Variants in TENM3 observed in about 807,000 individuals in gnomAD.
The protein encoded by TENM3 is teneurin transmembrane protein 3, also known as teneurin-3.
A neutral mutation model predicts 255.1 loss-of-function variants in TENM3; 63 were observed. That is an observed-to-expected ratio of 0.25 (90% CI 0.20 to 0.30). The LOEUF (loss-of-function observed/expected upper bound fraction) is 0.30, where lower values mean the gene tolerates loss of function less well. TENM3 is among the 10% of genes least tolerant of loss of function. The pLI is 1.00. For missense variants in TENM3, 2,929 were observed against 3,461.1 expected (o/e 0.85, Z 3.86); for synonymous variants, 1,306 against 1,322.3 (o/e 0.99, Z 0.27).
At chr4:182,117,719 G>T in the TENM3 span, among the ~76,000 whole-genome samples, 1 of 152,150 alleles carries the variant, frequency 6.6e-6, no homozygotes, top group Admixed American at 6.6e-5. Context: ...AAGTCTTGAA[G>T]TTGAATAGCA....
chr4:182,375,953 C>A (rs1373217141), intron 3 of TENM3, among the ~76,000 whole-genome samples: 1 of 152,130 alleles, frequency 6.6e-6, no homozygotes. Context: ...CATTTGTGCA[C>A]CCCTTATGAT....
At chr4:182,010,644 C>T in the TENM3 span, among the ~76,000 whole-genome samples, 1 of 151,948 alleles carries the variant, frequency 6.6e-6, no homozygotes, top group Non-Finnish European at 1.5e-5. Flanking sequence ...TTTTCTGATA[C>T]CTTTAGTGGA....
chr4:181,829,736 C>T, the TENM3 span, among the ~76,000 whole-genome samples: 1 of 152,176 alleles, frequency 6.6e-6, no homozygotes, highest in Non-Finnish European at 1.5e-5. Flanking sequence ...CCAGCCCCTA[C>T]ATTGCCCACC....
At chr4:181,669,725 T>G in the TENM3 span, among the ~76,000 whole-genome samples, 1 of 152,146 alleles carries the variant, frequency 6.6e-6, no homozygotes, top group Non-Finnish European at 1.5e-5. Context: ...GTCTATCTAG[T>G]CCTGACACAC....
chr4:182,136,033 G>A, the TENM3 span, among the ~76,000 whole-genome samples: 1 of 152,186 alleles, frequency 6.6e-6, no homozygotes, highest in Non-Finnish European at 1.5e-5. Flanking sequence ...TGTATGTCAT[G>A]AAGCTGTATT....
chr4:182,672,469 A>G (rs1018939013), intron 6 of TENM3, among the ~76,000 whole-genome samples: 2 of 152,098 alleles, frequency 1.3e-5, no homozygotes, highest in African/African-American at 2.4e-5. Flanking sequence ...CCCCTTCTCT[A>G]TCTCTCTGCC....
At chr4:182,627,209 C>G (rs897640153) in intron 4 of TENM3, among the ~76,000 whole-genome samples, 1 of 152,110 alleles carries the variant, frequency 6.6e-6, no homozygotes, top group African/African-American at 2.4e-5. Flanking sequence ...TTACATAACA[C>G]TTGGTATATT....
chr4:182,092,654 A>G, the TENM3 span, among the ~76,000 whole-genome samples: 3 of 152,256 alleles, frequency 2.0e-5, no homozygotes, highest in Non-Finnish European at 2.9e-5. Flanking sequence ...CTCAAAAATA[A>G]AAATAAACAT....
the TENM3 span, among the ~76,000 whole-genome samples, chr4:181,656,637 G>A: frequency 2.0e-5 from 3 of 152,142 alleles, no homozygotes; most frequent in Non-Finnish European, 4.4e-5. Flanking sequence ...GGATGTTTAG[G>A]AGACAACAAG....
chr4:182,714,047 A>G lies in TENM3; in HGVS notation c.2222-40A>G, dbSNP rs199521195. ...TGTTTATTTTAGGTGCAAAAACTCA[A>G]TACTCAAATCACTGGTGTTTTCCTT... On this transcript the variant is annotated intron_variant, in intron 12 of 27. Coordinates refer to ENST00000511685, the MANE Select transcript of TENM3 (RefSeq NM_001080477.4). 4.3e-5 allele frequency: 69 copies of G among 1,597,320 alleles called. No individual in the cohort carries two copies. The East Asian group carries it at 1.3e-3, about 31-fold the overall frequency.
At chr4:181,505,424 A>G in the TENM3 span, among the ~76,000 whole-genome samples, 1 of 152,100 alleles carries the variant, frequency 6.6e-6, no homozygotes, top group African/African-American at 2.4e-5. Flanking sequence ...ATGGAGTTTA[A>G]TTTTCTTTGA....
chr4:181,651,920 A>G, the TENM3 span, among the ~76,000 whole-genome samples: 1 of 152,212 alleles, frequency 6.6e-6, no homozygotes, highest in East Asian at 1.9e-4. Context: ...CCCAGGACAC[A>G]TTAAGGTTTT....
chr4:182,361,922 C>T (rs1257471517), intron 3 of TENM3, among the ~76,000 whole-genome samples: 1 of 152,156 alleles, frequency 6.6e-6, no homozygotes, highest in Non-Finnish European at 1.5e-5. Flanking sequence ...TGTTTGATAG[C>T]TTTCCTTCTG....
At chr4:181,712,198 C>T in the TENM3 span, among the ~76,000 whole-genome samples, 1 of 152,040 alleles carries the variant, frequency 6.6e-6, no homozygotes, top group African/African-American at 2.4e-5. Context: ...ACTTTAAGGC[C>T]CTTATATGGC....
At chr4:181,765,652 C>G in the TENM3 span, among the ~76,000 whole-genome samples, 13 of 152,220 alleles carry the variant, frequency 8.5e-5, no homozygotes, top group African/African-American at 3.1e-4. Flanking sequence ...GCTAAGCTTC[C>G]CTTCGGTCAT....
At chr4:181,950,994 A>T in the TENM3 span, among the ~76,000 whole-genome samples, 1 of 152,138 alleles carries the variant, frequency 6.6e-6, no homozygotes, top group African/African-American at 2.4e-5. Context: ...GTGAGCCATG[A>T]TCACGCCACT....
chr4:181,640,507 C>T, the TENM3 span, among the ~76,000 whole-genome samples: 1 of 152,174 alleles, frequency 6.6e-6, no homozygotes, highest in Non-Finnish European at 1.5e-5. Flanking sequence ...CCTCCTCTGC[C>T]ACGTCTCTGA....
chr4:182,617,335 A>G (rs545166862), intron 4 of TENM3, among the ~76,000 whole-genome samples: 1 of 152,240 alleles, frequency 6.6e-6, no homozygotes, highest in Non-Finnish European at 1.5e-5. Flanking sequence ...CTTAAAATGA[A>G]CTCTAGGCAA....
At chr4:182,253,398 A>G (rs186863498) in intron 1 of TENM3, among the ~76,000 whole-genome samples, 7 of 152,314 alleles carry the variant, frequency 4.6e-5, no homozygotes, top group African/African-American at 1.4e-4. Flanking sequence ...ACTTGCACCC[A>G]GGAGGCAAAG....
Sources: allele counts gnomAD v4.1 joint callset (sites outside exome capture counted in the v4.1 genomes callset), GRCh38; gene constraint gnomAD v4.1.1; transcripts MANE v1.5; gene names NCBI Gene and HGNC (gene_info 2026-07-23, HGNC 2026-07-21).